Variants in SMC6 observed in about 807,000 individuals in gnomAD.
SMC6 encodes structural maintenance of chromosomes 6, also known as structural maintenance of chromosomes protein 6.
In SMC6, 79 loss-of-function variants were observed where a neutral mutation model predicts 142.2. The ratio of observed to expected loss-of-function variants is 0.56; its 90% CI spans 0.46 to 0.67. The LOEUF (loss-of-function observed/expected upper bound fraction) is 0.67. SMC6 is among the 30% of genes least tolerant of loss of function. SMC6 has a pLI of 0.00. For missense variants in SMC6, 1,072 were observed against 1,284.0 expected (o/e 0.83, Z 2.52); for synonymous variants, 411 against 412.4 (o/e 1.00, Z 0.04).
intron 25 of SMC6, among the ~76,000 whole-genome samples, 161 bp downstream of exon 25, chr2:17,678,698 C>T (rs559850393): frequency 1.3e-5 from 2 of 151,872 alleles, no homozygotes; most frequent in Non-Finnish European, 2.9e-5. Context: ...GTCGCTTGAG[C>T]CTATGAGTTC....
intron 25 of SMC6, among the ~76,000 whole-genome samples, chr2:17,672,926 G>C (rs1039105000): frequency 2.0e-5 from 3 of 152,134 alleles, no homozygotes; most frequent in African/African-American, 7.2e-5. Flanking sequence ...GAGAAAATAA[G>C]CACTAATTTT....
rs77066749 is a variant in SMC6, at chr2:17,707,166, A to T, written c.2006+53T>A. 1.0e-3 allele frequency: 1,355 copies of T among 1,338,256 alleles called. 7 individuals are homozygous for T. In the African/African-American group the frequency reaches 0.016, roughly 16 times the overall value. The allele number at this position is 1,338,256 out of a possible 1,614,324, so 82.9% of individuals were successfully genotyped here. On this transcript the variant is annotated intron_variant, in intron 18 of 27. Coordinates refer to ENST00000448223, the MANE Select transcript of SMC6 (RefSeq NM_001142286.2). Reference sequence around the variant, plus strand: ...TAAAAGAGTAATATGAAAGAAAATGAACCCCCAAGGAAGCAGTGGGAATGA... The same window carrying T: ...TAAAAGAGTAATATGAAAGAAAATGTACCCCCAAGGAAGCAGTGGGAATGA...
chr2:17,719,260 A>G (rs923849556), intron 11 of SMC6, among the ~76,000 whole-genome samples: 1 of 152,162 alleles, frequency 6.6e-6, no homozygotes, highest in Non-Finnish European at 1.5e-5. Context: ...AACATAATTC[A>G]TATTATTTTT....
At chr2:17,745,473 T>G (rs547694818) in intron 3 of SMC6, among the ~76,000 whole-genome samples, 1 of 152,328 alleles carries the variant, frequency 6.6e-6, no homozygotes, top group Admixed American at 6.5e-5. Flanking sequence ...GTCAAATTTA[T>G]GTGTGTAGAG....
chr2:17,675,293 T>C (rs1666950524), intron 25 of SMC6, among the ~76,000 whole-genome samples: 1 of 152,134 alleles, frequency 6.6e-6, no homozygotes, highest in African/African-American at 2.4e-5. Flanking sequence ...TCCATGTACT[T>C]CTATTCCCTT....
chr2:17,689,085 T>C (rs1006783983), intron 23 of SMC6, among the ~76,000 whole-genome samples: 1 of 151,972 alleles, frequency 6.6e-6, no homozygotes, highest in Admixed American at 6.6e-5. Context: ...AAGCATATAA[T>C]GGAAAAACCA....
intron 6 of SMC6, 138 bp downstream of exon 6, chr2:17,731,597 CGTGTGT>C: frequency 8.6e-6 from 6 of 696,590 alleles, no homozygotes; most frequent in Non-Finnish European, 1.4e-5. Flanking sequence ...AACATATGCA[CGTGTGT>C]GTGTGTGTGT....
At chr2:17,719,540 T>C (rs1270961139) in intron 11 of SMC6, among the ~76,000 whole-genome samples, 3 of 152,208 alleles carry the variant, frequency 2.0e-5, no homozygotes, top group African/African-American at 7.2e-5. Flanking sequence ...TCCTTTCCCA[T>C]TTAAAAAAGA....
intron 18 of SMC6, among the ~76,000 whole-genome samples, chr2:17,705,129 G>A (rs1668439881): frequency 6.6e-6 from 1 of 151,676 alleles, no homozygotes; most frequent in Admixed American, 6.6e-5. Flanking sequence ...GTGGTGGCAC[G>A]TGCCTGTAGT....
intron 12 of SMC6, among the ~76,000 whole-genome samples, chr2:17,717,713 G>T (rs1669166137): frequency 6.6e-6 from 1 of 151,612 alleles, no homozygotes; most frequent in Admixed American, 6.6e-5. Flanking sequence ...TGGGTGCAGA[G>T]GTTCACACAT....
At chr2:17,715,810 A>G (rs949910990) in intron 15 of SMC6, among the ~76,000 whole-genome samples, 3 of 152,138 alleles carry the variant, frequency 2.0e-5, no homozygotes, top group African/African-American at 7.2e-5. Flanking sequence ...TTTCTGAATA[A>G]TCAATTATAT....
chr2:17,707,066 T>C (rs1668546428), intron 18 of SMC6, among the ~76,000 whole-genome samples, 153 bp downstream of exon 18: 1 of 152,192 alleles, frequency 6.6e-6, no homozygotes, highest in Non-Finnish European at 1.5e-5. Context: ...CAACCTCGAA[T>C]TCTATGACTA....
intron 4 of SMC6, among the ~76,000 whole-genome samples, chr2:17,740,560 A>T (rs1287833740): frequency 6.6e-6 from 1 of 152,140 alleles, no homozygotes; most frequent in East Asian, 1.9e-4. Context: ...TTTACTCAAA[A>T]ACTTTAATTG....
intron 25 of SMC6, 24 bp from the exon 26 acceptor site, chr2:17,670,599 G>C (rs370559519): frequency 9.4e-6 from 14 of 1,491,412 alleles, no homozygotes; most frequent in Non-Finnish European, 1.2e-5. Context: ...AGTTGACAAG[G>C]AACAAAAAAC....
Position 17,665,307 on chromosome 2 carries a change from A to T in SMC6, c.*192T>A. The T allele has an allele frequency of 2.6e-6, 1 of 384,772 alleles. No homozygotes were observed. The highest frequency in any genetic ancestry group is 4.6e-6 in the Non-Finnish European group (1 of 217,150). The allele number at this position is 384,772 out of a possible 1,614,324, so 23.8% of individuals were successfully genotyped here. A position where few individuals can be genotyped will look rare whatever the true frequency, so the allele number is the denominator to read the frequency against. On this transcript the variant is annotated 3_prime_UTR_variant, in exon 28 of 28. Coordinates refer to ENST00000448223, the MANE Select transcript of SMC6 (RefSeq NM_001142286.2). ...CTATGAAATTGATTTTCTTAAAGTA[A>T]TAGTAATCTTAAATTGCAGGTTGTA...
chr2:17,729,681 G>A (rs1457599640), intron 7 of SMC6, among the ~76,000 whole-genome samples: 4 of 152,104 alleles, frequency 2.6e-5, no homozygotes, highest in Non-Finnish European at 5.9e-5. Context: ...CTAATAAATT[G>A]TCCTGCATTC....
chr2:17,745,202 T>A (rs771122222), intron 3 of SMC6, among the ~76,000 whole-genome samples: 1 of 152,186 alleles, frequency 6.6e-6, no homozygotes, highest in East Asian at 1.9e-4. Flanking sequence ...CATTGTCTGG[T>A]TTTGGCATCA....
At chr2:17,735,870 C>T (rs544605740) in intron 5 of SMC6, among the ~76,000 whole-genome samples, 175 of 152,204 alleles carry the variant, frequency 1.1e-3, no homozygotes, top group Non-Finnish European at 1.9e-3. Context: ...AGAAAGGAGG[C>T]CCACAGCCCA....
At chr2:17,713,082 G>A (rs967918027) in intron 16 of SMC6, among the ~76,000 whole-genome samples, 8 of 152,100 alleles carry the variant, frequency 5.3e-5, no homozygotes, top group African/African-American at 1.9e-4. Flanking sequence ...ACACTTTCTC[G>A]TAGGCCTCTC....
Sources: gnomAD v4.1 joint callset for allele counts (sites outside exome capture counted in the v4.1 genomes callset) on GRCh38, gnomAD v4.1.1 for gene constraint, MANE v1.5 for transcripts, NCBI Gene and HGNC (gene_info 2026-07-23, HGNC 2026-07-21) for gene names.